The following SNCAIP variants were observed in gnomAD, a reference collection of about 807,000 sequenced individuals.
SNCAIP encodes the protein synphilin-1.
SNCAIP carries 43 observed loss-of-function variants against 86.7 expected under a neutral mutation model. The ratio of observed to expected loss-of-function variants is 0.50; its 90% CI spans 0.39 to 0.64. The LOEUF (loss-of-function observed/expected upper bound fraction) is 0.64. SNCAIP is among the 30% of genes least tolerant of loss of function. SNCAIP has a pLI of 0.00. For missense variants in SNCAIP, 981 were observed against 1,103.1 expected, an observed-to-expected ratio of 0.89 and a Z score of 1.57; for synonymous variants, 417 against 427.2, an observed-to-expected ratio of 0.98 and a Z score of 0.29.
chr5:122,320,435 T>A (rs2152666665), intron 1 of SNCAIP, among the ~76,000 whole-genome samples: 1 of 152,298 alleles, frequency 6.6e-6, no homozygotes, highest in Non-Finnish European at 1.5e-5. Flanking sequence ...ATGTGGGTCC[T>A]GAGCTCATGG....
At chr5:122,352,583 A>G (rs1423896883) in intron 1 of SNCAIP, among the ~76,000 whole-genome samples, 3 of 152,242 alleles carry the variant, frequency 2.0e-5, no homozygotes, top group African/African-American at 7.2e-5. Context: ...GTCTTAGTCC[A>G]TTCATTCAAC....
intron 1 of SNCAIP, among the ~76,000 whole-genome samples, chr5:122,373,282 T>C (rs1237259595): frequency 6.6e-6 from 1 of 152,158 alleles, no homozygotes; most frequent in Non-Finnish European, 1.5e-5. Context: ...GATGACAAAA[T>C]AGAATCCTTT....
chr5:122,443,565 A>C (rs1472249177), intron 7 of SNCAIP: 1 of 456,764 alleles, frequency 2.2e-6, no homozygotes, highest in East Asian at 7.0e-5. Context: ...TCTCCTTCCC[A>C]CCCAGACTAG....
At chr5:122,440,586 C>G in intron 6 of SNCAIP, 43 bp from the exon 7 acceptor site, 2 of 1,596,092 alleles carry the variant, frequency 1.3e-6, no homozygotes, top group South Asian at 2.2e-5. Flanking sequence ...TCTAACTTCT[C>G]TGCAAGATAT....
chr5:122,356,788 C>T (rs1761097872), intron 1 of SNCAIP, among the ~76,000 whole-genome samples: 1 of 152,236 alleles, frequency 6.6e-6, no homozygotes, highest in Non-Finnish European at 1.5e-5. Context: ...CTACCCTCAT[C>T]CTGAGTCTGC....
intron 2 of SNCAIP, among the ~76,000 whole-genome samples, chr5:122,392,422 C>G (rs1249248373): frequency 2.6e-5 from 4 of 152,034 alleles, no homozygotes; most frequent in Non-Finnish European, 5.9e-5. Context: ...CTCTCTCTTT[C>G]TGTTTCTCTT....
intron 2 of SNCAIP, among the ~76,000 whole-genome samples, chr5:122,401,522 C>T (rs1771811947): frequency 6.6e-6 from 1 of 152,190 alleles, no homozygotes; most frequent in South Asian, 2.1e-4. Context: ...TTCATATACC[C>T]TTAAAATTTT....
chr5:122,461,592 A>AT (rs1413350973), intron 10 of SNCAIP, among the ~76,000 whole-genome samples: 1 of 150,772 alleles, frequency 6.6e-6, no homozygotes, highest in South Asian at 2.1e-4. Context: ...TTGCTATTGA[A>AT]TTTTTTATTT....
At chr5:122,317,054 G>A (rs552737041) in intron 1 of SNCAIP, among the ~76,000 whole-genome samples, 2 of 152,060 alleles carry the variant, frequency 1.3e-5, no homozygotes, top group East Asian at 1.9e-4. Context: ...GTGCAGTAAC[G>A]TTTTTTTAAA....
intron 7 of SNCAIP, among the ~76,000 whole-genome samples, chr5:122,442,410 G>C (rs1426990437): frequency 6.6e-6 from 1 of 152,176 alleles, no homozygotes; most frequent in African/African-American, 2.4e-5. Flanking sequence ...TGAAACTGCT[G>C]TTTGGAGAAC....
At chr5:122,424,242 C>T (rs1221880245) in intron 4 of SNCAIP, among the ~76,000 whole-genome samples, 2 of 152,188 alleles carry the variant, frequency 1.3e-5, no homozygotes, top group Non-Finnish European at 2.9e-5. Flanking sequence ...TGCCCTCTGA[C>T]CCAGGTGGAG....
At chr5:122,398,761 A>G (rs1771158288) in intron 2 of SNCAIP, among the ~76,000 whole-genome samples, 2 of 152,130 alleles carry the variant, frequency 1.3e-5, no homozygotes, top group South Asian at 4.1e-4. Context: ...ATGTCTGCTC[A>G]TTCGCTTAGT....
At chr5:122,386,882 G>C (rs1768265000) in intron 1 of SNCAIP, among the ~76,000 whole-genome samples, 1 of 151,694 alleles carries the variant, frequency 6.6e-6, no homozygotes, top group Admixed American at 6.6e-5. Flanking sequence ...ATCAAGAATT[G>C]CCAATGCCAG....
chr5:122,347,735 T>C (rs912187957), intron 1 of SNCAIP, among the ~76,000 whole-genome samples: 1 of 152,144 alleles, frequency 6.6e-6, no homozygotes, highest in Non-Finnish European at 1.5e-5. Flanking sequence ...AATGGACACC[T>C]TATTCAAACA....
intron 1 of SNCAIP, among the ~76,000 whole-genome samples, chr5:122,365,109 C>G (rs1403899874): frequency 1.3e-5 from 2 of 152,104 alleles, no homozygotes; most frequent in African/African-American, 2.4e-5. Context: ...CCCCATGCCC[C>G]GACCCCTATT....
intron 1 of SNCAIP, among the ~76,000 whole-genome samples, chr5:122,346,647 CT>C (rs1758670935): frequency 6.6e-6 from 1 of 151,998 alleles, no homozygotes; most frequent in Non-Finnish European, 1.5e-5. Flanking sequence ...AATTTTAGAG[CT>C]GTAAAATTAG....
chr5:122,395,601 A>T (rs1770438151), intron 2 of SNCAIP, among the ~76,000 whole-genome samples: 1 of 152,044 alleles, frequency 6.6e-6, no homozygotes, highest in East Asian at 1.9e-4. Context: ...AAATAATCTC[A>T]CTTTCAGTGA....
intron 1 of SNCAIP, among the ~76,000 whole-genome samples, chr5:122,345,532 T>G (rs1406457880): frequency 6.6e-6 from 1 of 152,026 alleles, no homozygotes; most frequent in Admixed American, 6.6e-5. Flanking sequence ...AGGAGTTGCC[T>G]CCCCCAGTCT....
chr5:122,339,812 A>G (rs929624234), intron 1 of SNCAIP, among the ~76,000 whole-genome samples: 7 of 152,228 alleles, frequency 4.6e-5, no homozygotes, highest in African/African-American at 1.4e-4. Context: ...CTGCTAGAAC[A>G]GAAGTCTGGG....
Sources: gnomAD v4.1 joint callset for allele counts (sites outside exome capture counted in the v4.1 genomes callset) on GRCh38, gnomAD v4.1.1 for gene constraint, MANE v1.5 for transcripts, NCBI Gene and HGNC (gene_info 2026-07-23, HGNC 2026-07-21) for gene names.